PNPO: variants seen among roughly 807,000 people sequenced by gnomAD.
PNPO encodes pyridoxamine 5'-phosphate oxidase.
In PNPO, 39 loss-of-function variants were observed where a neutral mutation model predicts 35.0. The observed-to-expected ratio is 1.11, with a 90% CI of 0.86 to 1.45. The LOEUF is 1.45. Ranked by LOEUF, PNPO falls within the 40% of genes most tolerant of loss-of-function variation. The pLI, the probability that PNPO is intolerant of heterozygous loss-of-function variation, is 0.00. For missense variants in PNPO, 288 were observed against 340.0 expected (o/e 0.85, Z 1.20); for synonymous variants, 115 against 119.8 (o/e 0.96, Z 0.26).
At chr17:47,943,045 CACAG>C (rs748017687) in intron 1 of PNPO, among the ~76,000 whole-genome samples, 1 of 152,182 alleles carries the variant, frequency 6.6e-6, no homozygotes, top group African/African-American at 2.4e-5. Context: ...GATTCTGATG[CACAG>C]ACAGTTTTGA....
rs775306202 is a variant in PNPO, at chr17:47,945,936, A to G, written c.493A>G (p.Ser165Gly). The part of the protein sequence containing the change: ...ECYFHSRPKS[S>G]QIGAVVSHQS... The stretch of plus-strand genomic sequence containing the variant: ...CTACTTCCACTCCCGCCCCAAGAGC[A>G]GCCAGATTGGGGCTGTGGTCAGCCA... Residue 165 changes from serine to glycine, a missense_variant, in exon 5 of 7, where the codon AGC becomes GGC. Ser to Gly is a moderately conservative substitution (Grantham distance 56). Coordinates refer to ENST00000642017, the MANE Select transcript of PNPO (RefSeq NM_018129.4). The surrounding 1 kb of genome is among the most constrained non-coding windows in gnomAD (Gnocchi z 4.0). 5.0e-6 allele frequency: 8 copies of G among 1,614,044 alleles called. No individual in the cohort carries two copies. In the South Asian group the frequency reaches 8.8e-5, roughly 18 times the overall value.
Position 47,945,599 on chromosome 17 carries a change from C to T in PNPO, c.404C>T (p.Pro135Leu), listed in dbSNP as rs1567713616. The T allele has an allele frequency of 6.2e-7, 1 of 1,613,256 alleles. No individual in the cohort carries two copies. Among genetic ancestry groups the T allele is most frequent in the Non-Finnish European group, 8.5e-7 (1 of 1,179,224 alleles). Residue 135 changes from proline to leucine, a missense_variant, in exon 4 of 7, where the codon CCA (proline) becomes CTA (leucine). Coordinates refer to ENST00000642017, the MANE Select transcript of PNPO (RefSeq NM_018129.4). The surrounding 1 kb of genome is among the most constrained non-coding windows in gnomAD (Gnocchi z 4.0). ...GCTTCCCTTGTCTTCTACTGGGAGC[C>T]ACTTAACCGTCAGGTGAGTGAATTT... ...PFASLVFYWE[P>L]LNRQVRVEGP...
chr17:47,943,679 C>G (rs1292056111), intron 2 of PNPO, among the ~76,000 whole-genome samples: 1 of 152,210 alleles, frequency 6.6e-6, no homozygotes, highest in African/African-American at 2.4e-5. Context: ...CATCCACACA[C>G]AACCCCTTGC....
intron 2 of PNPO, 116 bp from the exon 3 acceptor site, chr17:47,944,500 C>T: frequency 1.2e-6 from 1 of 836,062 alleles, no homozygotes; most frequent in Non-Finnish European, 2.1e-6. Context: ...GGTAGCCTGA[C>T]AGCCCAATAA....
rs2036041723 is a variant in PNPO, at chr17:47,948,932, C to A, written c.*2150C>A. 1 of 152,376 alleles carries A rather than the reference C, an allele frequency of 6.6e-6. No homozygotes were observed. Among genetic ancestry groups the A allele is most frequent in the African/African-American group, 2.4e-5 (1 of 41,472 alleles). 9.4% of individuals were successfully genotyped at this position (152,376 alleles called of 1,614,324 possible). A position where few individuals can be genotyped will look rare whatever the true frequency, so the allele number is the denominator to read the frequency against. The stretch of plus-strand genomic sequence containing the variant: ...GGCACTGAGCTTGCCACTCTGTGAA[C>A]TGTGCTTCCTTCCCCTGCATGGACC... On this transcript the variant is annotated 3_prime_UTR_variant, in exon 7 of 7. Coordinates refer to ENST00000642017, the MANE Select transcript of PNPO (RefSeq NM_018129.4).
Position 47,949,210 on chromosome 17 carries a change from C to T in PNPO, c.*2428C>T, listed in dbSNP as rs1310317763. 2 of 152,362 alleles carry T rather than the reference C, an allele frequency of 1.3e-5. No homozygotes were observed. Among genetic ancestry groups the T allele is most frequent in the Non-Finnish European group, 2.9e-5 (2 of 68,166 alleles). 9.4% of individuals were successfully genotyped at this position (152,362 alleles called of 1,614,324 possible). On this transcript the variant is annotated 3_prime_UTR_variant, in exon 7 of 7. Coordinates refer to ENST00000642017, the MANE Select transcript of PNPO (RefSeq NM_018129.4). Reference sequence around the variant, plus strand: ...TTGTGTTATTGGAGGTTGTGTAACCCCCTAGCTTTGAGCCTGGTCTCAGAT... The same window carrying T: ...TTGTGTTATTGGAGGTTGTGTAACCTCCTAGCTTTGAGCCTGGTCTCAGAT...
At position 47,944,825 on chromosome 17, in the gene PNPO, T is replaced by A. The variant is rs146204978; in HGVS notation, c.363+110T>A. 797 of 865,692 alleles carry A rather than the reference T, an allele frequency of 9.2e-4. 2 individuals carry two copies. The highest frequency in any genetic ancestry group is 1.3e-3 in the Non-Finnish European group (672 of 508,134). 53.6% of individuals were successfully genotyped at this position (865,692 alleles called of 1,614,324 possible). ...CCCCCCAGTCTACTTGCTCTCTGTG[T>A]GCAGGTGCCCTCCTGCCATGAGGCC... On this transcript the variant is annotated intron_variant, in intron 3 of 6. Transcript: ENST00000642017.
intron 5 of PNPO, 34 bp from the exon 6 acceptor site, chr17:47,946,289 C>T: frequency 6.8e-7 from 1 of 1,478,870 alleles, no homozygotes; most frequent in Non-Finnish European, 9.5e-7. Context: ...ATTGACTGGG[C>T]CTGGCCCTTC....
chr17:47,941,820 C>T lies in PNPO; in HGVS notation c.138+7C>T. The stretch of plus-strand genomic sequence containing the variant: ...TTACCGCGGGGACCGAGAGGTGCCG[C>T]CGCTAGGGCCAGGCCTCCTGCAGGG... On this transcript the variant is annotated splice_region_variant and intron_variant, in intron 1 of 6. Transcript: ENST00000642017. 1 of 1,562,852 alleles carries T rather than the reference C, an allele frequency of 6.4e-7. No homozygotes were observed. The highest frequency in any genetic ancestry group is 8.7e-7 in the Non-Finnish European group (1 of 1,152,658).
At chr17:47,946,236 A>T (rs1052892310) in intron 5 of PNPO, 87 bp from the exon 6 acceptor site, 1 of 1,144,848 alleles carries the variant, frequency 8.7e-7, no homozygotes, top group African/African-American at 1.5e-5. Context: ...CTGCTCACCC[A>T]TGTCCCCAGC....
intron 2 of PNPO, 40 bp downstream of exon 2, chr17:47,943,470 T>G: frequency 6.2e-7 from 1 of 1,610,150 alleles, no homozygotes; most frequent in Non-Finnish European, 8.5e-7. Context: ...TGGATACATA[T>G]GAACTAGGAA....
Position 47,946,871 on chromosome 17 carries a change from A to G in PNPO, c.*89A>G. On this transcript the variant is annotated 3_prime_UTR_variant, in exon 7 of 7. Transcript: ENST00000642017. ...GACCCAGGCCCTTCTTTCTAAACTC[A>G]ACCCATTTCCCTCCCTACCCCTTAT... is the stretch of plus-strand genomic sequence containing the variant. The G allele has an allele frequency of 8.0e-7, 1 of 1,247,668 alleles. No individual in the cohort carries two copies. Among genetic ancestry groups the G allele is most frequent in the Non-Finnish European group, 1.2e-6 (1 of 859,840 alleles). 77.3% of individuals were successfully genotyped at this position (1,247,668 alleles called of 1,614,324 possible). A position where few individuals can be genotyped will look rare whatever the true frequency, so the allele number is the denominator to read the frequency against.
Position 47,946,914 on chromosome 17 carries a change from G to A in PNPO, c.*132G>A. On this transcript the variant is annotated 3_prime_UTR_variant, in exon 7 of 7. Transcript: ENST00000642017. ...CCCCTTATCTTCAGGACTCTTCAGA[G>A]CTAATCCTCTAAGTTCTCTGTACTC... 1 of 781,412 alleles carries A rather than the reference G, an allele frequency of 1.3e-6. No homozygotes were observed. Among genetic ancestry groups the A allele is most frequent in the Non-Finnish European group, 2.1e-6 (1 of 470,336 alleles). The allele number at this position is 781,412 out of a possible 1,614,324, so 48.4% of individuals were successfully genotyped here.
chr17:47,946,068 G>A, intron 5 of PNPO, 79 bp downstream of exon 5: 2 of 1,547,764 alleles, frequency 1.3e-6, no homozygotes, highest in Non-Finnish European at 1.8e-6. Flanking sequence ...GGAGATGCCA[G>A]GAGATGTCCC....
chr17:47,945,526 G>C lies in PNPO; in HGVS notation c.364-33G>C. The C allele has an allele frequency of 6.3e-7, 1 of 1,597,954 alleles. No homozygotes were observed. Among genetic ancestry groups the C allele is most frequent in the Non-Finnish European group, 8.6e-7 (1 of 1,165,378 alleles). ...GCCGGAGGCCTCCTCTCCCTGTCCT[G>C]ATGGCTGGCTGTGGATTCTCTTTTA... On this transcript the variant is annotated intron_variant, in intron 3 of 6. Coordinates refer to ENST00000642017, the MANE Select transcript of PNPO (RefSeq NM_018129.4). The surrounding 1 kb of genome is among the most constrained non-coding windows in gnomAD (Gnocchi z 4.0).
In PNPO at chr17:47,943,447, GC is replaced by G; in HGVS notation, c.263+21del. 1 of 1,612,582 alleles carries G rather than the reference GC, an allele frequency of 6.2e-7. No homozygotes were observed. The highest frequency in any genetic ancestry group is 8.5e-7 in the Non-Finnish European group (1 of 1,178,996). On this transcript the variant is annotated intron_variant, in intron 2 of 6. Transcript: ENST00000642017. Reference sequence around the variant, plus strand: ...CTGCACCAGGTGGGCATGGCTGTGGGCCCCTCTTTGGGTGGATACATATGAA... The same window carrying G: ...CTGCACCAGGTGGGCATGGCTGTGGGCCCTCTTTGGGTGGATACATATGAA...
At position 47,941,641 on chromosome 17, in the gene PNPO, G is replaced by C. The variant is rs1254791474; in HGVS notation, c.-35G>C. 2.6e-6 allele frequency: 4 copies of C among 1,509,952 alleles called. No homozygotes were observed. The highest frequency in any genetic ancestry group is 3.6e-6 in the Non-Finnish European group (4 of 1,120,946). 93.5% of individuals were successfully genotyped at this position (1,509,952 alleles called of 1,614,324 possible). On this transcript the variant is annotated 5_prime_UTR_variant, in exon 1 of 7. Coordinates refer to ENST00000642017, the MANE Select transcript of PNPO (RefSeq NM_018129.4). ...TCCGAACTCAAAGGAACCCAGTGCC[G>C]GGCCACAGCCGGGTCACGTGGCCGG...
rs2036034782 is a variant in PNPO, at chr17:47,948,249, A to G, written c.*1467A>G. ...GTATGTATACATACATTTTCCAAAA[A>G]GAAAAATTAAATGATTATAGAGATT... On this transcript the variant is annotated 3_prime_UTR_variant, in exon 7 of 7. Transcript: ENST00000642017. 1 of 152,240 alleles carries G rather than the reference A, an allele frequency of 6.6e-6. No homozygotes were observed. The highest frequency in any genetic ancestry group is 1.5e-5 in the Non-Finnish European group (1 of 68,042). The allele number at this position is 152,240 out of a possible 1,614,324, so 9.4% of individuals were successfully genotyped here. A position where few individuals can be genotyped will look rare whatever the true frequency, so the allele number is the denominator to read the frequency against.
rs776343192 is a variant in PNPO at position 47,945,595 on chromosome 17, G to C, written c.400G>C (p.Glu134Gln). The change falls in exon 4 of 7, where the codon GAG becomes CAG. Residue 134 changes from glutamate (E) to glutamine (Q), a missense_variant. Transcript: ENST00000642017. This position sits in a 1 kb window ranked among gnomAD's most constrained non-coding sequence, Gnocchi z 4.0. The part of the protein sequence containing the change: ...NPFASLVFYW[E>Q]PLNRQVRVEG... ...CTTTGCTTCCCTTGTCTTCTACTGG[G>C]AGCCACTTAACCGTCAGGTGAGTGA... is the stretch of plus-strand genomic sequence containing the variant. 1.9e-6 allele frequency: 3 copies of C among 1,613,426 alleles called. No individual in the cohort carries two copies. The Admixed American group carries it at 5.0e-5, about 27-fold the overall frequency.
Sources: allele counts gnomAD v4.1 joint callset (sites outside exome capture counted in the v4.1 genomes callset), GRCh38; gene constraint gnomAD v4.1.1; non-coding constraint Gnocchi (gnomAD v3.1); transcripts MANE v1.5; gene names NCBI Gene and HGNC (gene_info 2026-07-23, HGNC 2026-07-21).